Variants in FKTN observed in about 807,000 individuals in gnomAD.
FKTN encodes ribitol-5-phosphate transferase FKTN.
Under a neutral mutation model 58.6 loss-of-function variants are expected in FKTN, and 47 were observed. The observed-to-expected ratio is 0.80, with a 90% confidence interval of 0.63 to 1.02. FKTN has a LOEUF of 1.02. Among genes scored for constraint, FKTN ranks in the 50% least tolerant of loss-of-function variants. The pLI is 0.00. For missense variants in FKTN, 516 were observed against 537.3 expected, an observed-to-expected ratio of 0.96 and a Z score of 0.39; for synonymous variants, 178 against 191.9, an observed-to-expected ratio of 0.93 and a Z score of 0.60.
At chr9:105,564,216 C>T (rs1394720923) in intron 1 of FKTN, among the ~76,000 whole-genome samples, 1 of 152,156 alleles carries the variant, frequency 6.6e-6, no homozygotes, top group Non-Finnish European at 1.5e-5. Context: ...AGCAGAAAAA[C>T]TGAAAATTCT....
In FKTN at chr9:105,596,588, G is replaced by A. The variant is rs148384394; in HGVS notation, c.106-10G>A. ...GAATTTACTAAAAAGTTCTTTTGTTGTCTTCCTAGAATGGAGCTGGTTTGT... is the reference window on the plus strand; with the variant it reads ...GAATTTACTAAAAAGTTCTTTTGTTATCTTCCTAGAATGGAGCTGGTTTGT... On this transcript the variant is annotated splice_polypyrimidine_tract_variant and intron_variant, in intron 3 of 10. Coordinates refer to ENST00000357998, the MANE Select transcript of FKTN (RefSeq NM_001079802.2). The A allele has an allele frequency of 1.6e-3, 2,633 of 1,607,688 alleles. 43 individuals carry two copies. In the African/African-American group the frequency reaches 0.032, roughly 19 times the overall value.
rs1404381317 is a variant in FKTN at position 105,636,544 on chromosome 9, A to G, written c.*1280A>G. The G allele has an allele frequency of 6.7e-6, 7 of 1,049,930 alleles. No individual in the cohort carries two copies. The African/African-American group carries it at 1.2e-4, about 18-fold the overall frequency. The allele number at this position is 1,049,930 out of a possible 1,614,324, so 65.0% of individuals were successfully genotyped here. ...AATGCTTTAGTTTCCTTTTCCCCTC[A>G]AGATGTCTGAGTCAGCTAGGATGCT... On this transcript the variant is annotated 3_prime_UTR_variant, in exon 11 of 11. Transcript: ENST00000357998.
intron 3 of FKTN, among the ~76,000 whole-genome samples, chr9:105,591,611 A>G (rs1282307793): frequency 2.0e-5 from 3 of 152,160 alleles, no homozygotes; most frequent in Non-Finnish European, 4.4e-5. Flanking sequence ...ATGGGCTGAC[A>G]TTGAGTGCCT....
rs974922723 is a variant in FKTN at position 105,575,259 on chromosome 9, G to A, written c.105+122G>A. ...TATTCAAATTCTTGCATCTTTGCGA[G>A]GTGTGGCAAACAATTAAAAATTCAG... On this transcript the variant is annotated intron_variant, in intron 3 of 10. Coordinates refer to ENST00000357998, the MANE Select transcript of FKTN (RefSeq NM_001079802.2). The A allele has an allele frequency of 5.7e-6, 4 of 695,944 alleles. No individual in the cohort carries two copies. The African/African-American group carries it at 7.1e-5, about 12-fold the overall frequency. 43.1% of individuals were successfully genotyped at this position (695,944 alleles called of 1,614,324 possible).
rs1834124847 is a variant in FKTN, at chr9:105,637,449, C to A, written c.*2185C>A. 1 of 985,324 alleles carries A rather than the reference C, an allele frequency of 1.0e-6. No individual in the cohort carries two copies. The highest frequency in any genetic ancestry group is 1.7e-5 in the African/African-American group (1 of 57,226). The allele number at this position is 985,324 out of a possible 1,614,324, so 61.0% of individuals were successfully genotyped here. A position where few individuals can be genotyped will look rare whatever the true frequency, so the allele number is the denominator to read the frequency against. ...CAGGCTTCAGCTCATGGGTTCCACC[C>A]TAACTTGGGGAAACAAAAGCCTTCT... On this transcript the variant is annotated 3_prime_UTR_variant, in exon 11 of 11. Transcript: ENST00000357998.
At chr9:105,598,366 G>A (rs117633328) in intron 4 of FKTN, 2,690 of 189,106 alleles carry the variant, frequency 0.014, 31 homozygotes, top group Non-Finnish European at 0.019. Context: ...TAAAATTCTA[G>A]GGCTCAATGT....
In FKTN at chr9:105,635,095, A is replaced by G; in HGVS notation, c.1217A>G (p.Asp406Gly). The G allele has an allele frequency of 1.2e-6, 2 of 1,614,140 alleles. No individual in the cohort carries two copies. Among genetic ancestry groups the G allele is most frequent in the Non-Finnish European group, 1.7e-6 (2 of 1,179,986 alleles). Reference protein sequence around the residue: ...KFTLCWTEFVDMKVHVPCETL... With the variant: ...KFTLCWTEFVGMKVHVPCETL... ...ACACTGTGCTGGACTGAGTTTGTAG[A>G]CATGAAGGTCCATGTACCCTGTGAA... Residue 406 changes from aspartate (D) to glycine (G), a missense_variant, in exon 11 of 11, where the codon GAC (aspartate) becomes GGC (glycine). Transcript: ENST00000357998.
chr9:105,613,004 T>C (rs1324384826), intron 7 of FKTN, among the ~76,000 whole-genome samples: 1 of 151,910 alleles, frequency 6.6e-6, no homozygotes, highest in Non-Finnish European at 1.5e-5. Context: ...GAGAGTGTCA[T>C]GTTAAGAAAA....
chr9:105,572,875 C>G (rs1411637002), intron 1 of FKTN, among the ~76,000 whole-genome samples: 1 of 152,142 alleles, frequency 6.6e-6, no homozygotes, highest in South Asian at 2.1e-4. Context: ...AGACTACCCT[C>G]TAGTCTAGAA....
intron 3 of FKTN, among the ~76,000 whole-genome samples, chr9:105,580,998 G>T (rs1842771622): frequency 7.2e-6 from 1 of 138,776 alleles, no homozygotes; most frequent in Non-Finnish European, 1.5e-5. Flanking sequence ...TAGTTCTCGA[G>T]CCTTGGTTTT....
intron 3 of FKTN, among the ~76,000 whole-genome samples, chr9:105,585,635 A>T (rs1352815519): frequency 1.3e-5 from 2 of 152,160 alleles, no homozygotes; most frequent in Non-Finnish European, 2.9e-5. Context: ...TCAGTTTTCT[A>T]ATGGTTTTCT....
intron 3 of FKTN, among the ~76,000 whole-genome samples, chr9:105,587,665 A>G (rs146386426): frequency 1.2e-4 from 19 of 152,302 alleles, no homozygotes; most frequent in Non-Finnish European, 2.4e-4. Flanking sequence ...GCTATTATCC[A>G]GGAGAAATGT....
At chr9:105,596,577 G>A (rs1392829597) in intron 3 of FKTN, 21 bp from the exon 4 acceptor site, 1 of 1,594,682 alleles carries the variant, frequency 6.3e-7, no homozygotes, top group Admixed American at 1.7e-5. Flanking sequence ...TTACTAAAAA[G>A]TTCTTTTGTT....
intron 3 of FKTN, among the ~76,000 whole-genome samples, chr9:105,588,588 A>G (rs891560084): frequency 2.6e-5 from 4 of 152,246 alleles, no homozygotes; most frequent in African/African-American, 9.6e-5. Flanking sequence ...GCAAACAATA[A>G]CAATACATGT....
chr9:105,582,248 G>A (rs1026579808), intron 3 of FKTN, among the ~76,000 whole-genome samples: 1 of 147,174 alleles, frequency 6.8e-6, no homozygotes, highest in Non-Finnish European at 1.5e-5. Context: ...CTGAAGTACA[G>A]TGGCATAATC....
chr9:105,602,171 C>G (rs1351515650), intron 5 of FKTN, among the ~76,000 whole-genome samples: 1 of 152,070 alleles, frequency 6.6e-6, no homozygotes, highest in African/African-American at 2.4e-5. Flanking sequence ...TATTGTATTC[C>G]TGAGAAATAA....
chr9:105,635,536 T>G lies in FKTN; in HGVS notation c.*272T>G. The G allele has an allele frequency of 7.6e-7, 1 of 1,317,624 alleles. No individual in the cohort carries two copies. The highest frequency in any genetic ancestry group is 9.7e-7 in the Non-Finnish European group (1 of 1,028,746). The allele number at this position is 1,317,624 out of a possible 1,614,324, so 81.6% of individuals were successfully genotyped here. ...TCCTCCTTTTGGTAAACAACTCAAT[T>G]TTCCTTTGAGGGAACCCTCCCCCAC... On this transcript the variant is annotated 3_prime_UTR_variant, in exon 11 of 11. Transcript: ENST00000357998.
chr9:105,620,844 A>C (rs1435025750), intron 10 of FKTN, among the ~76,000 whole-genome samples: 2 of 151,652 alleles, frequency 1.3e-5, no homozygotes, highest in Non-Finnish European at 2.9e-5. Context: ...TTCTCTTCTT[A>C]TTCTCATGAG....
intron 9 of FKTN, among the ~76,000 whole-genome samples, chr9:105,618,685 A>T (rs1259829274): frequency 6.6e-6 from 1 of 152,182 alleles, no homozygotes; most frequent in Non-Finnish European, 1.5e-5. Context: ...AGACAATTTG[A>T]TTCCTATGCC....
Sources: allele counts gnomAD v4.1 joint callset (sites outside exome capture counted in the v4.1 genomes callset), GRCh38; gene constraint gnomAD v4.1.1; transcripts MANE v1.5; gene names NCBI Gene and HGNC (gene_info 2026-07-23, HGNC 2026-07-21).